The following FRMD5 variants were observed in gnomAD, a reference collection of about 807,000 sequenced individuals.
FRMD5 encodes the protein FERM domain containing 5.
A neutral mutation model predicts 69.0 loss-of-function variants in FRMD5; 20 were observed. The observed-to-expected ratio is 0.29, with a 90% CI of 0.20 to 0.42. The LOEUF (loss-of-function observed/expected upper bound fraction) is 0.42. Among genes scored for constraint, FRMD5 ranks in the 10% least tolerant of loss-of-function variants. The pLI is 1.00. For missense variants in FRMD5, 595 were observed against 708.6 expected (o/e 0.84, Z 1.82); for synonymous variants, 271 against 260.1 (o/e 1.04, Z -0.40).
intron 1 of FRMD5, among the ~76,000 whole-genome samples, chr15:44,130,316 C>T (rs913354698): frequency 2.0e-5 from 3 of 152,204 alleles, no homozygotes; most frequent in South Asian, 2.1e-4. Context: ...TTTTTCCCCA[C>T]GGTGGCAAAG....
intron 1 of FRMD5, among the ~76,000 whole-genome samples, chr15:44,193,462 A>G (rs1032299308): frequency 1.3e-5 from 2 of 152,258 alleles, no homozygotes; most frequent in Non-Finnish European, 2.9e-5. Context: ...GACATGGCAC[A>G]ATGATACAAT....
At chr15:43,908,747 A>G (rs886315195) in intron 5 of FRMD5, among the ~76,000 whole-genome samples, 53 of 152,168 alleles carry the variant, frequency 3.5e-4, no homozygotes, top group African/African-American at 1.2e-3. Context: ...ACTGTTTTGC[A>G]AAAAAACCCA....
chr15:44,036,391 C>T (rs139381216), intron 1 of FRMD5, among the ~76,000 whole-genome samples: 467 of 151,812 alleles, frequency 3.1e-3, no homozygotes, highest in Non-Finnish European at 4.9e-3. Context: ...CTTCTAATTA[C>T]TATTTCTGAC....
At chr15:43,970,262 A>G (rs2090354752) in intron 1 of FRMD5, among the ~76,000 whole-genome samples, 1 of 152,138 alleles carries the variant, frequency 6.6e-6, no homozygotes, top group Admixed American at 6.5e-5. Context: ...TTTCTTGACA[A>G]TTTACTCTTG....
chr15:44,180,261 A>G (rs1412020254), intron 1 of FRMD5, among the ~76,000 whole-genome samples: 1 of 152,146 alleles, frequency 6.6e-6, no homozygotes, highest in Non-Finnish European at 1.5e-5. Flanking sequence ...GAATGCATAT[A>G]AAGCACTTAG....
At chr15:43,903,996 A>G (rs913746258) in intron 6 of FRMD5, among the ~76,000 whole-genome samples, 6 of 152,060 alleles carry the variant, frequency 3.9e-5, no homozygotes, top group African/African-American at 1.4e-4. Context: ...TGACTTGAGG[A>G]GCCATGGGGT....
intron 1 of FRMD5, among the ~76,000 whole-genome samples, chr15:44,003,948 T>C (rs1353693473): frequency 6.6e-6 from 1 of 152,232 alleles, no homozygotes; most frequent in Non-Finnish European, 1.5e-5. Flanking sequence ...TAGAATGGTG[T>C]CCAGCAAGCT....
At chr15:43,917,500 C>T (rs1310823365) in intron 4 of FRMD5, among the ~76,000 whole-genome samples, 1 of 152,168 alleles carries the variant, frequency 6.6e-6, no homozygotes, top group African/African-American at 2.4e-5. Context: ...AAGTGATTCT[C>T]CTGCCTCAGC....
intron 4 of FRMD5, among the ~76,000 whole-genome samples, chr15:43,912,979 G>T (rs988438140): frequency 6.7e-5 from 10 of 149,376 alleles, no homozygotes; most frequent in African/African-American, 1.7e-4. Flanking sequence ...GTGGCAGTGC[G>T]CCAAGATCGT....
chr15:44,062,974 A>G (rs894939135), intron 1 of FRMD5, among the ~76,000 whole-genome samples: 2 of 152,232 alleles, frequency 1.3e-5, no homozygotes, highest in African/African-American at 4.8e-5. Flanking sequence ...TGATGAATAT[A>G]TCTATCCTTA....
chr15:44,029,546 G>C (rs975777813), intron 1 of FRMD5, among the ~76,000 whole-genome samples: 1 of 152,140 alleles, frequency 6.6e-6, no homozygotes, highest in Non-Finnish European at 1.5e-5. Flanking sequence ...ACATAACAGG[G>C]AACAGTACAG....
intron 1 of FRMD5, among the ~76,000 whole-genome samples, chr15:44,172,649 T>C (rs2077825025): frequency 1.3e-5 from 2 of 152,180 alleles, no homozygotes; most frequent in South Asian, 2.1e-4. Flanking sequence ...CTAGCAAGCA[T>C]ATGAAACTCC....
intron 13 of FRMD5, chr15:43,875,779 TCTTGCCTTTGGTGTCCTGGGCCTAG>T: frequency 1.7e-6 from 1 of 588,560 alleles, no homozygotes. Flanking sequence ...ATTCTGCCTT[TCTTGCCTTTGGTGTCCTGGGCCTAG>T]TTTTTTTTTT....
chr15:43,884,837 T>G (rs1416938770), intron 11 of FRMD5, 42 bp from the exon 12 acceptor site: 2 of 1,527,924 alleles, frequency 1.3e-6, no homozygotes, highest in African/African-American at 2.7e-5. Flanking sequence ...GAAATGAGAC[T>G]GTGTTGTAGG....
chr15:44,133,239 A>AC (rs2077130035), intron 1 of FRMD5, among the ~76,000 whole-genome samples: 1 of 151,752 alleles, frequency 6.6e-6, no homozygotes, highest in African/African-American at 2.4e-5. Flanking sequence ...ACAAAACAAA[A>AC]AAATGATTAA....
At chr15:43,977,314 A>T (rs2090479337) in intron 1 of FRMD5, among the ~76,000 whole-genome samples, 1 of 152,144 alleles carries the variant, frequency 6.6e-6, no homozygotes, top group South Asian at 2.1e-4. Flanking sequence ...CTAAGGTAGG[A>T]AACACAGTCA....
chr15:43,958,582 G>A (rs148045618), intron 1 of FRMD5, among the ~76,000 whole-genome samples: 20 of 152,214 alleles, frequency 1.3e-4, no homozygotes, highest in African/African-American at 1.7e-4. Context: ...ACAGGTGTGT[G>A]TCACCATGTC....
chr15:44,102,358 CAGGAATA>C, intron 1 of FRMD5, among the ~76,000 whole-genome samples: 1 of 152,288 alleles, frequency 6.6e-6, no homozygotes, highest in African/African-American at 2.4e-5. Flanking sequence ...AAGGAGTTGT[CAGGAATA>C]TTATCACATA....
chr15:43,987,134 A>G (rs982296392), intron 1 of FRMD5, among the ~76,000 whole-genome samples: 2 of 152,184 alleles, frequency 1.3e-5, no homozygotes, highest in African/African-American at 4.8e-5. Context: ...CAGACACCAC[A>G]ATATGAGGAA....
Sources: gnomAD v4.1 joint callset for allele counts (sites outside exome capture counted in the v4.1 genomes callset) on GRCh38, gnomAD v4.1.1 for gene constraint, MANE v1.5 for transcripts, NCBI Gene and HGNC (gene_info 2026-07-23, HGNC 2026-07-21) for gene names.